CARF: variants seen among roughly 807,000 people sequenced by gnomAD.
CARF encodes the protein calcium responsive transcription factor.
Under a neutral mutation model 82.0 loss-of-function variants are expected in CARF, and 57 were observed. That is an observed-to-expected ratio of 0.70 (90% CI 0.56 to 0.87). CARF has a LOEUF of 0.87. CARF is among the 40% of genes least tolerant of loss of function. The probability of loss-of-function intolerance (pLI) is 0.00; values close to 1 mark genes in which losing one functional copy is unlikely to be tolerated. For missense variants in CARF, 771 were observed against 855.8 expected (o/e 0.90, Z 1.24); for synonymous variants, 268 against 290.1 (o/e 0.92, Z 0.77).
At chr2:202,960,977 A>G (rs2059295133) in intron 8 of CARF, among the ~76,000 whole-genome samples, 1 of 152,214 alleles carries the variant, frequency 6.6e-6, no homozygotes, top group South Asian at 2.1e-4. Context: ...CTTGCAAGTT[A>G]TCTTTTCTAA....
At chr2:202,969,276 G>A (rs2059679255) in intron 10 of CARF, among the ~76,000 whole-genome samples, 1 of 151,922 alleles carries the variant, frequency 6.6e-6, no homozygotes, top group South Asian at 2.1e-4. Context: ...CTGGAAGGAG[G>A]CTATTAAAGT....
intron 11 of CARF, 60 bp downstream of exon 11, chr2:202,970,122 A>ATTTTG: frequency 7.1e-7 from 1 of 1,406,202 alleles, no homozygotes; most frequent in Non-Finnish European, 9.6e-7. Flanking sequence ...TGCAAGAATT[A>ATTTTG]TTTTGTAAGG....
intron 16 of CARF, among the ~76,000 whole-genome samples, chr2:202,983,166 C>T (rs2060337051): frequency 6.6e-6 from 1 of 152,106 alleles, no homozygotes; most frequent in Admixed American, 6.6e-5. Flanking sequence ...AGCCACTGCA[C>T]CTGGCCAAAA....
intron 14 of CARF, among the ~76,000 whole-genome samples, chr2:202,978,851 A>C (rs2060133406): frequency 6.6e-6 from 1 of 152,214 alleles, no homozygotes; most frequent in Non-Finnish European, 1.5e-5. Context: ...GAAGAATTTT[A>C]TTAAGAAAGA....
intron 6 of CARF, 52 bp from the exon 7 acceptor site, chr2:202,953,953 A>G (rs1333529931): frequency 5.9e-6 from 9 of 1,513,204 alleles, no homozygotes; most frequent in Non-Finnish European, 6.2e-6. Flanking sequence ...GTATATTCTT[A>G]TGGTCTTATT....
At chr2:202,980,822 G>A (rs2060233946) in intron 14 of CARF, among the ~76,000 whole-genome samples, 2 of 151,180 alleles carry the variant, frequency 1.3e-5, no homozygotes, top group Admixed American at 1.3e-4. Flanking sequence ...ACATTGTATT[G>A]TGTATTATAG....
At chr2:202,927,183 T>G (rs1692000489) in intron 3 of CARF, among the ~76,000 whole-genome samples, 1 of 152,170 alleles carries the variant, frequency 6.6e-6, no homozygotes, top group South Asian at 2.1e-4. Flanking sequence ...AAAACCAGTT[T>G]GTGGCGTTGT....
chr2:202,913,749 T>TAC (rs1435238159), intron 1 of CARF, among the ~76,000 whole-genome samples: 16 of 152,262 alleles, frequency 1.1e-4, no homozygotes, highest in Non-Finnish European at 1.6e-4. Flanking sequence ...GGTTAAAATA[T>TAC]ATTTATAAAA....
chr2:202,923,593 C>T lies in CARF; in HGVS notation c.-162-704C>T, dbSNP rs1691247305. 2.0e-5 allele frequency among the ~76,000 whole-genome samples: 3 copies of T among 152,228 alleles called. No homozygotes were observed. The South Asian group carries it at 6.2e-4, about 32-fold the overall frequency. Reference sequence around the variant, plus strand: ...CAATGCAATTCCCATCAAAATACCACCATCATTCTTCACAGAATTAGAAAA... The same window carrying T: ...CAATGCAATTCCCATCAAAATACCATCATCATTCTTCACAGAATTAGAAAA... On this transcript the variant is annotated intron_variant, in intron 2 of 16. Transcript: ENST00000438828.
chr2:202,973,943 C>G (rs1413090149), intron 12 of CARF, among the ~76,000 whole-genome samples: 1 of 151,996 alleles, frequency 6.6e-6, no homozygotes, highest in African/African-American at 2.4e-5. Flanking sequence ...AAAAAATTAG[C>G]CGGGCGTGGT....
At chr2:202,918,069 TAAC>T (rs1192612131) in intron 2 of CARF, 26 bp downstream of exon 2, 2 of 444,798 alleles carry the variant, frequency 4.5e-6, no homozygotes, top group Non-Finnish European at 9.0e-6. Context: ...TAATTGAAAG[TAAC>T]AACTTTATTT....
In CARF at chr2:202,930,648, G is replaced by T. The variant is rs542726717; in HGVS notation, c.-44+6233G>T. ...TCCGACTTCATTGAATTATCTATTT[G>T]TATTTTCTTGTTTCTTGTTAAGTTT... is the stretch of plus-strand genomic sequence containing the variant. On this transcript the variant is annotated intron_variant, in intron 3 of 16. Coordinates refer to ENST00000438828, the MANE Select transcript of CARF (RefSeq NM_024744.17). Among the ~76,000 whole-genome samples the T allele has an allele frequency of 2.0e-5, 3 of 152,158 alleles. No individual in the cohort carries two copies. The East Asian group carries it at 5.8e-4, about 29-fold the overall frequency.
In CARF at chr2:202,977,249, A is replaced by T; in HGVS notation, c.1495-20A>T. On this transcript the variant is annotated intron_variant, in intron 13 of 16. Coordinates refer to ENST00000438828, the MANE Select transcript of CARF (RefSeq NM_024744.17). The stretch of plus-strand genomic sequence containing the variant: ...AATATAAGAGCTTTATTTTTACTGA[A>T]ATAAATGTTCCCATTTCAGCTTCAA... The T allele has an allele frequency of 6.3e-7, 1 of 1,576,914 alleles. No homozygotes were observed. Among genetic ancestry groups the T allele is most frequent in the South Asian group, 1.1e-5 (1 of 87,240 alleles).
chr2:202,951,018 T>A (rs2058732935), intron 5 of CARF, among the ~76,000 whole-genome samples: 2 of 152,288 alleles, frequency 1.3e-5, no homozygotes, highest in Non-Finnish European at 2.9e-5. Context: ...TTTAAAAAAT[T>A]TTTTTCAAAT....
In CARF at chr2:202,941,950, A is replaced by G. The variant is rs777140869; in HGVS notation, c.48A>G (p.Glu16=). ...TAAGAGTCAACCATAATGACGGTGA[A>G]GAGTCAAAAACCAGTGCTCAAGTAT... The part of the protein sequence containing the change: ...DSLRVNHNDG[E]ESKTSAQVFE... Residue 16 remains glutamate, a synonymous_variant, in exon 4 of 17, where the codon GAA becomes GAG. Transcript: ENST00000438828. 3 of 1,613,604 alleles carry G rather than the reference A, an allele frequency of 1.9e-6. No homozygotes were observed. Among genetic ancestry groups the G allele is most frequent in the African/African-American group, 1.3e-5 (1 of 74,926 alleles).
rs181417128 is a variant in CARF, at chr2:202,971,139, G to A, written c.1098-366G>A. Among the ~76,000 whole-genome samples the A allele has an allele frequency of 8.0e-4, 122 of 152,010 alleles. 1 individual carries two copies. Among genetic ancestry groups the A allele is most frequent in the African/African-American group, 2.8e-3 (118 of 41,510 alleles). Reference sequence around the variant, plus strand: ...TACAATGTCTTCTCTTTATTTTGAGGTAAAATGTACTTAATATGAATTTTC... The same window carrying A: ...TACAATGTCTTCTCTTTATTTTGAGATAAAATGTACTTAATATGAATTTTC... On this transcript the variant is annotated intron_variant, in intron 11 of 16. Coordinates refer to ENST00000438828, the MANE Select transcript of CARF (RefSeq NM_024744.17).
rs1023686854 is a variant in CARF, at chr2:202,982,262, G to A, written c.1880G>A (p.Ser627Asn). The A allele has an allele frequency of 6.2e-7, 1 of 1,614,082 alleles. No homozygotes were observed. Among genetic ancestry groups the A allele is most frequent in the Admixed American group, 1.7e-5 (1 of 60,002 alleles). Residue 627 changes from serine to asparagine, a missense_variant, in exon 16 of 17, where the codon AGT becomes AAT. Coordinates refer to ENST00000438828, the MANE Select transcript of CARF (RefSeq NM_024744.17). The part of the protein sequence containing the change: ...QRDTCLTQNN[S>N]TASTMGNLPE... ...GATACATGCTTAACCCAAAACAATA[G>A]TACTGCCTCCACCATGGGTAACCTT... is the stretch of plus-strand genomic sequence containing the variant.
At chr2:202,977,435 C>A in intron 14 of CARF, 103 bp downstream of exon 14, 2 of 850,744 alleles carry the variant, frequency 2.4e-6, no homozygotes, top group Non-Finnish European at 1.9e-6. Flanking sequence ...GATAAGGAAA[C>A]CAGGATCCAA....
At position 202,950,407 on chromosome 2, in the gene CARF, AC is replaced by A. The variant is rs2058701999; in HGVS notation, c.307-2147del. On this transcript the variant is annotated intron_variant, in intron 5 of 16. Coordinates refer to ENST00000438828, the MANE Select transcript of CARF (RefSeq NM_024744.17). ...TAAGAATGAATAGAACACTTTTCAT[AC>A]CCCCATTCCTAAAAGTTAGAAAATT... Among the ~76,000 whole-genome samples, 4 of 152,288 alleles carry A rather than the reference AC, an allele frequency of 2.6e-5. No homozygotes were observed. In the South Asian group the frequency reaches 8.3e-4, roughly 32 times the overall value.
Sources: gnomAD v4.1 joint callset for allele counts (sites outside exome capture counted in the v4.1 genomes callset) on GRCh38, gnomAD v4.1.1 for gene constraint, MANE v1.5 for transcripts, NCBI Gene and HGNC (gene_info 2026-07-23, HGNC 2026-07-21) for gene names.